Variants in PRKG1 observed in about 807,000 individuals in gnomAD.
The protein encoded by PRKG1 is cGMP-dependent protein kinase 1.
Under a neutral mutation model 88.1 loss-of-function variants are expected in PRKG1, and 35 were observed. The observed-to-expected ratio is 0.40, with a 90% CI of 0.30 to 0.53. The LOEUF (loss-of-function observed/expected upper bound fraction) is 0.53. Ranked by LOEUF, PRKG1 falls within the 20% of genes least tolerant of loss-of-function variation. PRKG1 has a pLI of 0.59. For missense variants in PRKG1, 540 were observed against 839.8 expected, an observed-to-expected ratio of 0.64 and a Z score of 4.41; for synonymous variants, 303 against 292.5, an observed-to-expected ratio of 1.04 and a Z score of -0.37.
intron 1 of PRKG1, among the ~76,000 whole-genome samples, chr10:51,036,009 A>G (rs1179668855): frequency 6.6e-6 from 1 of 152,154 alleles, no homozygotes; most frequent in Non-Finnish European, 1.5e-5. Flanking sequence ...CATATGATAC[A>G]AGTTATCCCA....
intron 3 of PRKG1, among the ~76,000 whole-genome samples, chr10:51,634,427 A>G (rs1269435364): frequency 1.3e-5 from 2 of 152,136 alleles, no homozygotes; most frequent in Non-Finnish European, 2.9e-5. Context: ...ACTTGATTAT[A>G]TAGTTAGGGG....
At chr10:52,180,715 T>G (rs1838998198) in intron 9 of PRKG1, among the ~76,000 whole-genome samples, 1 of 152,208 alleles carries the variant, frequency 6.6e-6, no homozygotes, top group Non-Finnish European at 1.5e-5. Context: ...GGTGTAACTT[T>G]GCCAGACATC....
intron 4 of PRKG1, among the ~76,000 whole-genome samples, chr10:51,827,491 A>G (rs772140485): frequency 1.3e-5 from 2 of 152,056 alleles, no homozygotes; most frequent in Admixed American, 6.6e-5. Context: ...ATAATATTAT[A>G]TTTTTGATAC....
rs569681791 is a variant in PRKG1, at chr10:51,724,820, A to C, written c.593-79765A>C. ...CAATCCGTCCTCCTGCCTCAGCCTG[A>C]GTAGCTGGAACTACAGGTGAGTGCT... On this transcript the variant is annotated intron_variant, in intron 3 of 17. Transcript: ENST00000373980. 2.1e-4 allele frequency among the ~76,000 whole-genome samples: 31 copies of C among 149,056 alleles called. No homozygotes were observed. The East Asian group carries it at 5.9e-3, about 28-fold the overall frequency.
chr10:51,389,471 C>T (rs1317920516), intron 2 of PRKG1, among the ~76,000 whole-genome samples: 2 of 152,100 alleles, frequency 1.3e-5, no homozygotes, highest in Non-Finnish European at 2.9e-5. Flanking sequence ...CTATTGATCA[C>T]CCCTAACATG....
intron 3 of PRKG1, among the ~76,000 whole-genome samples, chr10:51,528,107 T>A (rs1398546340): frequency 6.6e-6 from 1 of 152,174 alleles, no homozygotes; most frequent in African/African-American, 2.4e-5. Context: ...TGGGAGCAAA[T>A]GTCATTACGG....
chr10:52,290,720 C>T (rs548654493), intron 17 of PRKG1, among the ~76,000 whole-genome samples: 8 of 151,826 alleles, frequency 5.3e-5, no homozygotes, highest in Non-Finnish European at 1.0e-4. Context: ...GCCAGGTGTG[C>T]TGATGTGCAC....
intron 2 of PRKG1, among the ~76,000 whole-genome samples, chr10:51,341,327 G>A (rs913869160): frequency 6.6e-6 from 1 of 152,180 alleles, no homozygotes; most frequent in Non-Finnish European, 1.5e-5. Context: ...AAAGTCAACA[G>A]GAAGTTATTT....
chr10:51,851,245 A>T (rs1840546848), intron 4 of PRKG1, among the ~76,000 whole-genome samples: 1 of 152,248 alleles, frequency 6.6e-6, no homozygotes, highest in Non-Finnish European at 1.5e-5. Context: ...TGGAAAGATA[A>T]ATAGTAAAAA....
intron 2 of PRKG1, among the ~76,000 whole-genome samples, chr10:51,384,418 G>A (rs547665655): frequency 2.2e-4 from 34 of 152,126 alleles, no homozygotes; most frequent in Non-Finnish European, 3.2e-4. Context: ...AGTGGCGTGG[G>A]AGATTCGGAT....
chr10:51,038,875 C>T (rs1280193677), intron 1 of PRKG1, among the ~76,000 whole-genome samples: 1 of 152,172 alleles, frequency 6.6e-6, no homozygotes, highest in Non-Finnish European at 1.5e-5. Context: ...TCTCATCCAA[C>T]TCATAAATTT....
At chr10:51,391,766 C>T (rs1837410415) in intron 2 of PRKG1, among the ~76,000 whole-genome samples, 1 of 152,158 alleles carries the variant, frequency 6.6e-6, no homozygotes, top group South Asian at 2.1e-4. Context: ...ATATTTTGTT[C>T]TCTTGTTGAC....
chr10:51,977,716 A>T (rs538586607), intron 5 of PRKG1, among the ~76,000 whole-genome samples: 2 of 152,002 alleles, frequency 1.3e-5, no homozygotes, highest in Admixed American at 6.6e-5. Context: ...TTCTCTAGTG[A>T]TCAGTGATAC....
chr10:52,248,868 A>G (rs770527887), intron 9 of PRKG1, among the ~76,000 whole-genome samples: 35 of 150,644 alleles, frequency 2.3e-4, no homozygotes, highest in Non-Finnish European at 3.4e-4. Context: ...TTTGTTAGCA[A>G]TGTTGCCTTT....
At chr10:52,022,285 C>T (rs567503505) in intron 5 of PRKG1, among the ~76,000 whole-genome samples, 1 of 152,272 alleles carries the variant, frequency 6.6e-6, no homozygotes, top group East Asian at 1.9e-4. Context: ...CAATTTTCAA[C>T]TTTTGTTGGG....
chr10:51,070,713 TC>T (rs1298278878), upstream of PRKG1, among the ~76,000 whole-genome samples: 1 of 152,192 alleles, frequency 6.6e-6, no homozygotes, highest in Non-Finnish European at 1.5e-5. Context: ...ATTCTGAGAA[TC>T]CATTAAGGAA....
chr10:51,517,372 C>T (rs886359646), intron 3 of PRKG1, among the ~76,000 whole-genome samples: 2 of 152,146 alleles, frequency 1.3e-5, no homozygotes, highest in African/African-American at 2.4e-5. Context: ...GGGAAAGGAA[C>T]CTCTAGGGTA....
At chr10:51,745,051 T>C (rs1837541907) in intron 3 of PRKG1, among the ~76,000 whole-genome samples, 1 of 152,228 alleles carries the variant, frequency 6.6e-6, no homozygotes, top group Non-Finnish European at 1.5e-5. Flanking sequence ...ACAATAATTG[T>C]ATGTTTAATG....
chr10:51,725,114 C>G (rs560848947), intron 3 of PRKG1, among the ~76,000 whole-genome samples: 1 of 152,178 alleles, frequency 6.6e-6, no homozygotes, highest in East Asian at 1.9e-4. Flanking sequence ...AATCCCCAAA[C>G]CATAATGACA....
Sources: allele counts gnomAD v4.1 joint callset (sites outside exome capture counted in the v4.1 genomes callset), GRCh38; gene constraint gnomAD v4.1.1; transcripts MANE v1.5; gene names NCBI Gene and HGNC (gene_info 2026-07-23, HGNC 2026-07-21).